PPP1R13B: variants seen among roughly 807,000 people sequenced by gnomAD.
The protein encoded by PPP1R13B is protein phosphatase 1 regulatory subunit 13B.
PPP1R13B carries 44 observed loss-of-function variants against 119.8 expected under a neutral mutation model. That is an observed-to-expected ratio of 0.37 (90% CI 0.29 to 0.47). The LOEUF (loss-of-function observed/expected upper bound fraction) is 0.47, where lower values mean the gene tolerates loss of function less well. Ranked by LOEUF, PPP1R13B falls within the 20% of genes least tolerant of loss-of-function variation. PPP1R13B has a pLI of 0.99. For missense variants in PPP1R13B, 1,227 were observed against 1,413.5 expected (o/e 0.87, Z 2.12); for synonymous variants, 542 against 561.5 (o/e 0.97, Z 0.49).
At chr14:103,752,850 A>T in intron 7 of PPP1R13B, 150 bp downstream of exon 7, 1 of 936,130 alleles carries the variant, frequency 1.1e-6, no homozygotes, top group East Asian at 2.7e-5. Flanking sequence ...AGTCATTTAA[A>T]AAATTATTTT....
At chr14:103,739,745 G>T in intron 12 of PPP1R13B, 79 bp downstream of exon 12, 2 of 1,456,010 alleles carry the variant, frequency 1.4e-6, no homozygotes, top group South Asian at 1.4e-5. Flanking sequence ...AGCACAGCCT[G>T]ACCAAGGGAA....
intron 1 of PPP1R13B, among the ~76,000 whole-genome samples, chr14:103,819,779 G>C (rs931325683): frequency 3.3e-5 from 5 of 152,010 alleles, no homozygotes; most frequent in Non-Finnish European, 7.4e-5. Context: ...CTGGTTGTTA[G>C]GCTATCCCTC....
chr14:103,841,266 C>T (rs2086900262), intron 1 of PPP1R13B, among the ~76,000 whole-genome samples: 1 of 151,964 alleles, frequency 6.6e-6, no homozygotes, highest in East Asian at 1.9e-4. Context: ...GCCTGTACAA[C>T]AAGAGCGAAA....
At chr14:103,784,319 A>T (rs373866834) in intron 3 of PPP1R13B, among the ~76,000 whole-genome samples, 18 of 152,274 alleles carry the variant, frequency 1.2e-4, no homozygotes, top group African/African-American at 3.8e-4. Flanking sequence ...ACAGTGGCTG[A>T]CACCTATAAT....
chr14:103,814,149 G>C (rs534166841), intron 1 of PPP1R13B, among the ~76,000 whole-genome samples: 3 of 152,082 alleles, frequency 2.0e-5, no homozygotes, highest in South Asian at 2.1e-4. Context: ...TGGAGTTCAC[G>C]ACCAGCCTGG....
At chr14:103,783,828 A>G (rs1008888608) in intron 3 of PPP1R13B, among the ~76,000 whole-genome samples, 1 of 152,148 alleles carries the variant, frequency 6.6e-6, no homozygotes, top group African/African-American at 2.4e-5. Context: ...TGAAATTACT[A>G]GCCTGAGCCA....
chr14:103,835,648 G>A lies in PPP1R13B; in HGVS notation c.9+11651C>T, dbSNP rs150236383. On this transcript the variant is annotated intron_variant, in intron 1 of 16. Transcript: ENST00000202556. Reference sequence around the variant, plus strand: ...TTTTGAGACGGAGTCTCGCTTTGCCGCCCAGGCTGGAGTGCAGTGGCACGA... The same window carrying A: ...TTTTGAGACGGAGTCTCGCTTTGCCACCCAGGCTGGAGTGCAGTGGCACGA... Among the ~76,000 whole-genome samples, 647 of 150,556 alleles carry A rather than the reference G, an allele frequency of 4.3e-3. 6 individuals are homozygous for A. Among genetic ancestry groups the A allele is most frequent in the African/African-American group, 0.015 (603 of 40,902 alleles).
Position 103,742,432 on chromosome 14 carries a change from A to G in PPP1R13B, c.1321-141T>C. On this transcript the variant is annotated intron_variant, in intron 10 of 16. Coordinates refer to ENST00000202556, the MANE Select transcript of PPP1R13B (RefSeq NM_015316.3). This position sits in a 1 kb window ranked among gnomAD's most constrained non-coding sequence, Gnocchi z 4.9. ...GACCAGGACTTGGGGCACACTGTTG[A>G]GCTCATTGCCTGTCTGCAAAAGTTC... The G allele has an allele frequency of 7.6e-7, 1 of 1,311,964 alleles. No homozygotes were observed. The allele number at this position is 1,311,964 out of a possible 1,614,324, so 81.3% of individuals were successfully genotyped here.
In PPP1R13B at chr14:103,733,264, G is replaced by C; in HGVS notation, c.*1890C>G. On this transcript the variant is annotated 3_prime_UTR_variant, in exon 17 of 17. Coordinates refer to ENST00000202556, the MANE Select transcript of PPP1R13B (RefSeq NM_015316.3). ...TGTCAATACTTAATTGGGGGTGGGAGAGACTGAGCTACACTACTGCTAAAC... is the reference window on the plus strand; with the variant it reads ...TGTCAATACTTAATTGGGGGTGGGACAGACTGAGCTACACTACTGCTAAAC... The C allele has an allele frequency of 1.9e-6, 1 of 527,192 alleles. No homozygotes were observed. The highest frequency in any genetic ancestry group is 3.3e-5 in the East Asian group (1 of 30,692). 32.7% of individuals were successfully genotyped at this position (527,192 alleles called of 1,614,324 possible). A position where few individuals can be genotyped will look rare whatever the true frequency, so the allele number is the denominator to read the frequency against.
In PPP1R13B at chr14:103,768,849, G is replaced by A. The variant is rs183923400; in HGVS notation, c.354+9896C>T. 1.0e-3 allele frequency among the ~76,000 whole-genome samples: 155 copies of A among 152,246 alleles called. 1 individual carries two copies. Among genetic ancestry groups the A allele is most frequent in the Admixed American group, 2.1e-3 (32 of 15,296 alleles). On this transcript the variant is annotated intron_variant, in intron 4 of 16. Transcript: ENST00000202556. Reference sequence around the variant, plus strand: ...CCTCCCAAAGTGCAGGATTACAGGTGTGAGCCACCCTGCCCAGCTCTCAGT... The same window carrying A: ...CCTCCCAAAGTGCAGGATTACAGGTATGAGCCACCCTGCCCAGCTCTCAGT...
chr14:103,735,931 C>CA, intron 16 of PPP1R13B, 72 bp downstream of exon 16: 1 of 1,527,492 alleles, frequency 6.5e-7, no homozygotes, highest in East Asian at 2.3e-5. Flanking sequence ...CCCAGCCCCA[C>CA]AGCAGGATAG....
chr14:103,735,292 C>T, intron 16 of PPP1R13B, 97 bp from the exon 17 acceptor site: 2 of 1,130,868 alleles, frequency 1.8e-6, no homozygotes, highest in South Asian at 2.5e-5. Flanking sequence ...CCACCCTGGA[C>T]AGCCGTGCAG....
At chr14:103,811,996 C>G (rs1198371589) in intron 1 of PPP1R13B, among the ~76,000 whole-genome samples, 1 of 134,398 alleles carries the variant, frequency 7.4e-6, no homozygotes, top group East Asian at 2.5e-4. Context: ...GGAGGCGGAG[C>G]TTGCGGTGAG....
chr14:103,784,696 G>T, intron 3 of PPP1R13B, 99 bp downstream of exon 3: 1 of 1,241,242 alleles, frequency 8.1e-7, no homozygotes, highest in Non-Finnish European at 1.1e-6. Flanking sequence ...TGTAAGTGCA[G>T]GGCCGGGTGT....
intron 4 of PPP1R13B, among the ~76,000 whole-genome samples, chr14:103,765,343 A>G (rs956927660): frequency 2.0e-5 from 3 of 152,218 alleles, no homozygotes; most frequent in Non-Finnish European, 4.4e-5. Flanking sequence ...ATGACATGAA[A>G]TAGTTCAACA....
rs1236365085 is a variant in PPP1R13B, at chr14:103,741,994, C to G, written c.1618G>C (p.Ala540Pro). 3 of 1,614,278 alleles carry G rather than the reference C, an allele frequency of 1.9e-6. No individual in the cohort carries two copies. The change falls in exon 11 of 17, where the codon GCT (alanine) becomes CCT (proline). Residue 540 changes from alanine to proline, a missense_variant. Transcript: ENST00000202556. ...GGGAGTTCAGGCTTGCTGTCCCCAG[C>G]TGGAAATGCAGGTGGTCCCGCTGGC... ...YPPAGPPAFP[A>P]GDSKPELPLT...
At chr14:103,763,235 C>CA (rs1398804252) in intron 4 of PPP1R13B, 1 of 532,706 alleles carries the variant, frequency 1.9e-6, no homozygotes, top group Non-Finnish European at 3.4e-6. Flanking sequence ...ACTTGGAACT[C>CA]AGTGGGCCTG....
At chr14:103,842,297 CCTT>C (rs1380846568) in intron 1 of PPP1R13B, among the ~76,000 whole-genome samples, 2 of 136,694 alleles carry the variant, frequency 1.5e-5, no homozygotes, top group African/African-American at 2.8e-5. Context: ...CACCAGAGTG[CCTT>C]CTTTTTTTTT....
chr14:103,771,748 T>C (rs1221505734), intron 4 of PPP1R13B, among the ~76,000 whole-genome samples: 1 of 152,212 alleles, frequency 6.6e-6, no homozygotes, highest in Non-Finnish European at 1.5e-5. Context: ...CCCAAAGTAC[T>C]GGGATTACAG....
Sources: gnomAD v4.1 joint callset for allele counts (sites outside exome capture counted in the v4.1 genomes callset) on GRCh38, gnomAD v4.1.1 for gene constraint, Gnocchi (gnomAD v3.1) non-coding constraint, MANE v1.5 for transcripts, NCBI Gene and HGNC (gene_info 2026-07-23, HGNC 2026-07-21) for gene names.